Variants in DDX46 observed in about 807,000 individuals in gnomAD.
The protein encoded by DDX46 is probable ATP-dependent RNA helicase DDX46.
In DDX46, 30 loss-of-function variants were observed where a neutral mutation model predicts 134.9. That is an observed-to-expected ratio of 0.22 (90% CI 0.17 to 0.30). DDX46 has a LOEUF of 0.30. Ranked by LOEUF, DDX46 falls within the 10% of genes least tolerant of loss-of-function variation. DDX46 has a pLI of 1.00. For missense variants in DDX46, 622 were observed against 1,248.7 expected (o/e 0.50, Z 7.56); for synonymous variants, 415 against 404.1 (o/e 1.03, Z -0.32).
intron 16 of DDX46, 21 bp from the exon 17 acceptor site, chr5:134,811,200 T>C (rs1367385705): frequency 1.2e-6 from 2 of 1,609,940 alleles, no homozygotes; most frequent in Admixed American, 1.7e-5. Context: ...CTAATAATTG[T>C]ACTTTTTCAT....
rs182379930 is a variant in DDX46, at chr5:134,802,116, A to G, written c.1955-5632A>G. 2.4e-3 allele frequency among the ~76,000 whole-genome samples: 345 copies of G among 141,530 alleles called. 1 individual carries two copies. Among genetic ancestry groups the G allele is most frequent in the African/African-American group, 8.5e-3 (326 of 38,462 alleles). 92.8% of individuals were successfully genotyped at this position (141,530 alleles called of 152,430 possible). A position where few individuals can be genotyped will look rare whatever the true frequency, so the allele number is the denominator to read the frequency against. On this transcript the variant is annotated intron_variant, in intron 15 of 22. Transcript: ENST00000452510. ...CTGATGCTTTGTTCAGTCTTTTTCA[A>G]CCTTTTTTTTCCCCTCTGTAGATCA...
chr5:134,794,611 A>G (rs990817669), intron 13 of DDX46, among the ~76,000 whole-genome samples: 5 of 152,212 alleles, frequency 3.3e-5, no homozygotes, highest in African/African-American at 7.2e-5. Context: ...ATTTGAAGAT[A>G]GACCACTATA....
chr5:134,821,854 C>G (rs1420232792), intron 21 of DDX46, among the ~76,000 whole-genome samples: 2 of 150,806 alleles, frequency 1.3e-5, no homozygotes, highest in Non-Finnish European at 3.0e-5. Context: ...CACGCCCGGC[C>G]TACTTCTTTC....
intron 6 of DDX46, among the ~76,000 whole-genome samples, chr5:134,779,766 A>G (rs1450570617): frequency 6.6e-6 from 1 of 152,210 alleles, no homozygotes; most frequent in East Asian, 1.9e-4. Context: ...CTGGGATTAC[A>G]CACATGAACC....
In DDX46 at chr5:134,796,131, T is replaced by C. The variant is rs748716262; in HGVS notation, c.1935T>C (p.Pro645=). ...LLKDLMRASY[P]CMSLHGGIDQ... The stretch of plus-strand genomic sequence containing the variant: ...AGGATTTAATGAGAGCATCTTATCC[T>C]TGCATGTCTCTTCATGGAGGTAATT... The change falls in exon 15 of 23, where the codon CCT becomes CCC. Residue 645 remains proline, a synonymous_variant. Coordinates refer to ENST00000452510, the MANE Select transcript of DDX46 (RefSeq NM_001300860.2). 2 of 1,613,314 alleles carry C rather than the reference T, an allele frequency of 1.2e-6. No individual in the cohort carries two copies. The highest frequency in any genetic ancestry group is 1.7e-6 in the Non-Finnish European group (2 of 1,179,826).
At chr5:134,816,837 T>TTA (rs1755299224) in intron 19 of DDX46, 2 of 480,254 alleles carry the variant, frequency 4.2e-6, no homozygotes, top group African/African-American at 4.0e-5. Context: ...CCACTGGTAG[T>TTA]TTTATAGGGT....
intron 13 of DDX46, 114 bp downstream of exon 13, chr5:134,790,666 G>A: frequency 3.5e-6 from 3 of 860,314 alleles, no homozygotes; most frequent in East Asian, 2.6e-5. Flanking sequence ...TCTGTTGCAC[G>A]GTAATACAGA....
At chr5:134,785,429 T>C in intron 10 of DDX46, 36 bp from the exon 11 acceptor site, 1 of 1,598,496 alleles carries the variant, frequency 6.3e-7, no homozygotes, top group Non-Finnish European at 8.5e-7. Flanking sequence ...CTTAAGAATT[T>C]TGGTGGTTAG....
At chr5:134,775,745 G>A (rs1753915394) in intron 5 of DDX46, among the ~76,000 whole-genome samples, 1 of 152,148 alleles carries the variant, frequency 6.6e-6, no homozygotes, top group Admixed American at 6.6e-5. Flanking sequence ...ACCTGCCTCG[G>A]CCTCCCAAAG....
chr5:134,769,838 C>T (rs769126320), intron 3 of DDX46, among the ~76,000 whole-genome samples: 12 of 151,990 alleles, frequency 7.9e-5, no homozygotes, highest in Admixed American at 2.0e-4. Context: ...TGAGCCACCG[C>T]GCCCGGCCGA....
In DDX46 at chr5:134,801,309, G is replaced by A. The variant is rs1032731219; in HGVS notation, c.1954+5159G>A. Among the ~76,000 whole-genome samples, 7 of 152,056 alleles carry A rather than the reference G, an allele frequency of 4.6e-5. No homozygotes were observed. In the South Asian group the frequency reaches 8.3e-4, roughly 18 times the overall value. On this transcript the variant is annotated intron_variant, in intron 15 of 22. Coordinates refer to ENST00000452510, the MANE Select transcript of DDX46 (RefSeq NM_001300860.2). Reference sequence around the variant, plus strand: ...AAAAAGTTTGTAATGGAATCCTACAGTATGTAACTTTTTGCAGTTGGCTTT... The same window carrying A: ...AAAAAGTTTGTAATGGAATCCTACAATATGTAACTTTTTGCAGTTGGCTTT...
chr5:134,805,812 C>T (rs370948145), intron 15 of DDX46, among the ~76,000 whole-genome samples: 10 of 152,082 alleles, frequency 6.6e-5, no homozygotes, highest in Non-Finnish European at 1.2e-4. Flanking sequence ...GGATTACAGG[C>T]GTGAGCCTTG....
At chr5:134,773,371 T>G (rs1753833040) in intron 4 of DDX46, among the ~76,000 whole-genome samples, 1 of 152,234 alleles carries the variant, frequency 6.6e-6, no homozygotes, top group African/African-American at 2.4e-5. Context: ...GCTAATTACT[T>G]TAGTTTCTGT....
chr5:134,763,996 A>G lies in DDX46; in HGVS notation c.110A>G (p.Asp37Gly). The G allele has an allele frequency of 1.9e-6, 3 of 1,614,238 alleles. No individual in the cohort carries two copies. The highest frequency in any genetic ancestry group is 2.7e-5 in the African/African-American group (2 of 75,066). ...PSDKRSKRGD[D>G]RRSRSRDRDR... ...GACAAAAGAAGTAAACGTGGAGATG[A>G]CAGACGGTCTAGAAGTAGAGATAGA... The change falls in exon 2 of 23, where the codon GAC becomes GGC. Residue 37 changes from aspartate (D) to glycine (G), a missense_variant. Coordinates refer to ENST00000452510, the MANE Select transcript of DDX46 (RefSeq NM_001300860.2).
intron 4 of DDX46, among the ~76,000 whole-genome samples, chr5:134,772,031 G>A (rs1753789002): frequency 6.6e-6 from 1 of 151,480 alleles, no homozygotes; most frequent in Admixed American, 6.6e-5. Flanking sequence ...AGGAGTTCGA[G>A]ACCAGCCTGA....
rs1561850360 is a variant in DDX46, at chr5:134,766,776, A to G, written c.207-141A>G. The G allele has an allele frequency of 4.0e-6, 4 of 994,198 alleles. 1 individual carries two copies. The highest frequency in any genetic ancestry group is 4.0e-5 in the South Asian group (2 of 49,990). 61.6% of individuals were successfully genotyped at this position (994,198 alleles called of 1,614,324 possible). On this transcript the variant is annotated intron_variant, in intron 2 of 22. Coordinates refer to ENST00000452510, the MANE Select transcript of DDX46 (RefSeq NM_001300860.2). ...CTCATTTTTTTCGTTGAGCACTTAT[A>G]AGACTTGGCTTTACTTCATTGAGAC... is the stretch of plus-strand genomic sequence containing the variant.
In DDX46 at chr5:134,818,886, G is replaced by A. The variant is rs1326863806; in HGVS notation, c.2859G>A (p.Lys953=). Residue 953 remains lysine, a synonymous_variant, in exon 21 of 23, where the codon AAG becomes AAA. Transcript: ENST00000452510. ...CTGCTAGGTGGAAAGTTACCTCTAA[G>A]GAAGCTCTGCAGAGAATCAGTGAAT... ...PQTARWKVTS[K]EALQRISEYS... 1 of 1,612,706 alleles carries A rather than the reference G, an allele frequency of 6.2e-7. No homozygotes were observed. The highest frequency in any genetic ancestry group is 1.3e-5 in the African/African-American group (1 of 74,766).
At chr5:134,807,991 GTTTC>G (rs777344706) in intron 16 of DDX46, 50 bp downstream of exon 16, 3 of 1,481,746 alleles carry the variant, frequency 2.0e-6, no homozygotes, top group South Asian at 1.3e-5. Flanking sequence ...AAATACAGGT[GTTTC>G]TTTAGTATTT....
Position 134,796,248 on chromosome 5 carries a change from A to G in DDX46, c.1954+98A>G, listed in dbSNP as rs1316293127. ...ATACTTACTTTGTTCTCTATAATTC[A>G]GAACTAAATTTTATGTCAGTTTTTA... On this transcript the variant is annotated intron_variant, in intron 15 of 22. Coordinates refer to ENST00000452510, the MANE Select transcript of DDX46 (RefSeq NM_001300860.2). 3.8e-6 allele frequency: 5 copies of G among 1,332,380 alleles called. No homozygotes were observed. In the African/African-American group the frequency reaches 4.5e-5, roughly 12 times the overall value. 82.5% of individuals were successfully genotyped at this position (1,332,380 alleles called of 1,614,324 possible).
Sources: allele counts gnomAD v4.1 joint callset (sites outside exome capture counted in the v4.1 genomes callset), GRCh38; gene constraint gnomAD v4.1.1; transcripts MANE v1.5; gene names NCBI Gene and HGNC (gene_info 2026-07-23, HGNC 2026-07-21).